Variants in LRRK1 observed in about 807,000 individuals in gnomAD.
LRRK1 encodes the protein leucine rich repeat kinase 1, also known as leucine-rich repeat serine/threonine-protein kinase 1.
A neutral mutation model predicts 209.1 loss-of-function variants in LRRK1; 113 were observed. The ratio of observed to expected loss-of-function variants is 0.54; its 90% CI spans 0.46 to 0.63. The LOEUF is 0.63. LRRK1 is among the 30% of genes least tolerant of loss of function. The pLI is 0.00. For synonymous variants in LRRK1, 1,144 were observed against 1,099.7 expected (o/e 1.04, Z -0.80); for missense variants, 2,284 against 2,632.2 (o/e 0.87, Z 2.89).
chr15:101,010,749 T>C lies in LRRK1; in HGVS notation c.1193T>C (p.Leu398Pro). The change falls in exon 9 of 34, where the codon CTG (leucine) becomes CCG (proline). Residue 398 changes from leucine (L) to proline (P), a missense_variant. Coordinates refer to ENST00000388948, the MANE Select transcript of LRRK1 (RefSeq NM_024652.6). ...AATAAATTGACAGAACTCCCTGCCC[T>C]GTTCCTTCACTCTTTCAAGTCCCTC... The part of the protein sequence containing the change: ...SDNKLTELPA[L>P]FLHSFKSLNS... The C allele has an allele frequency of 1.2e-6, 2 of 1,613,940 alleles. No homozygotes were observed.
chr15:100,971,121 G>C (rs1043474558), intron 2 of LRRK1, among the ~76,000 whole-genome samples: 1 of 152,024 alleles, frequency 6.6e-6, no homozygotes, highest in Middle Eastern at 3.2e-3. Flanking sequence ...ATCACTTGAG[G>C]TCGAGAGTTT....
chr15:100,938,651 T>A (rs972033460), intron 2 of LRRK1, among the ~76,000 whole-genome samples: 3 of 151,998 alleles, frequency 2.0e-5, no homozygotes, highest in Admixed American at 2.0e-4. Context: ...AATTCCATAC[T>A]TATAGCTTAA....
chr15:101,024,011 T>C lies in LRRK1; in HGVS notation c.2068-792T>C, dbSNP rs2033909731. Among the ~76,000 whole-genome samples, 1 of 152,190 alleles carries C rather than the reference T, an allele frequency of 6.6e-6. No individual in the cohort carries two copies. Among genetic ancestry groups the C allele is most frequent in the Non-Finnish European group, 1.5e-5 (1 of 68,014 alleles). On this transcript the variant is annotated intron_variant, in intron 15 of 33. Transcript: ENST00000388948. The surrounding 1 kb of genome is among the most constrained non-coding windows in gnomAD (Gnocchi z 4.6). ...TCTAGCTGAGGCCTGAGGGGTGAATTCGTGCTTCTATTTTTCCTGACCTTC... is the reference window on the plus strand; with the variant it reads ...TCTAGCTGAGGCCTGAGGGGTGAATCCGTGCTTCTATTTTTCCTGACCTTC...
chr15:100,962,109 G>T (rs2030017245), intron 2 of LRRK1, among the ~76,000 whole-genome samples: 1 of 152,110 alleles, frequency 6.6e-6, no homozygotes, highest in Non-Finnish European at 1.5e-5. Flanking sequence ...GGTTCACTAA[G>T]CCAGGGTGAA....
rs2033950214 is a variant in LRRK1, at chr15:101,024,877, C to A, written c.2142C>A (p.Phe714Leu). The change falls in exon 16 of 34, where the codon TTC (phenylalanine) becomes TTA (leucine). Residue 714 changes from phenylalanine (F) to leucine (L), a missense_variant. Physicochemically the swap from Phe to Leu is conservative, Grantham distance 22 (BLOSUM62 0). Coordinates refer to ENST00000388948, the MANE Select transcript of LRRK1 (RefSeq NM_024652.6). The surrounding 1 kb of genome is among the most constrained non-coding windows in gnomAD (Gnocchi z 4.6). The part of the protein sequence containing the change: ...ASMATVNQCF[F>L]TDKALYVVVW... ...TGGCCACTGTCAACCAGTGCTTCTT[C>A]ACGGACAAGGCCCTGTACGTGGTGG... 6.2e-7 allele frequency: 1 copy of A among 1,614,098 alleles called. No homozygotes were observed. The highest frequency in any genetic ancestry group is 8.5e-7 in the Non-Finnish European group (1 of 1,180,042).
intron 31 of LRRK1, among the ~76,000 whole-genome samples, chr15:101,063,225 A>G (rs958351916): frequency 3.3e-5 from 5 of 152,084 alleles, no homozygotes; most frequent in South Asian, 2.1e-4. Context: ...TGAGACCCCA[A>G]GGGGCACTCT....
At chr15:101,052,394 T>C (rs972489539) in intron 24 of LRRK1, among the ~76,000 whole-genome samples, 1 of 104,398 alleles carries the variant, frequency 9.6e-6, no homozygotes, top group Non-Finnish European at 2.0e-5. Context: ...GTTTACCTTC[T>C]TTGTCAAACG....
chr15:101,064,104 G>A (rs564502426), intron 31 of LRRK1, among the ~76,000 whole-genome samples: 82 of 152,390 alleles, frequency 5.4e-4, no homozygotes, highest in African/African-American at 1.8e-3. Context: ...ACACCCAGCC[G>A]GGACGTGGCA....
chr15:101,000,640 C>T (rs1246736322), intron 6 of LRRK1, among the ~76,000 whole-genome samples: 2 of 152,188 alleles, frequency 1.3e-5, no homozygotes, highest in South Asian at 2.1e-4. Context: ...CAACACTTCT[C>T]GGCTTGTGGC....
chr15:101,068,983 A>G lies in LRRK1; in HGVS notation c.*135A>G. ...CTCCCCTGAACTCCTTGCTGCTAAG[A>G]AGTGCTGAGAAGTTACTCGCCTGGC... On this transcript the variant is annotated 3_prime_UTR_variant, in exon 34 of 34. Transcript: ENST00000388948. 1 of 829,532 alleles carries G rather than the reference A, an allele frequency of 1.2e-6. No individual in the cohort carries two copies. The allele number at this position is 829,532 out of a possible 1,614,324, so 51.4% of individuals were successfully genotyped here. A position where few individuals can be genotyped will look rare whatever the true frequency, so the allele number is the denominator to read the frequency against.
At chr15:101,064,096 A>C (rs1214412052) in intron 31 of LRRK1, among the ~76,000 whole-genome samples, 1 of 152,216 alleles carries the variant, frequency 6.6e-6, no homozygotes, top group Non-Finnish European at 1.5e-5. Flanking sequence ...CCACGTTCAC[A>C]CCCAGCCGGG....
rs376736555 is a variant in LRRK1 at position 101,065,597 on chromosome 15, C to T, written c.5160C>T (p.Ser1720=). Residue 1720 remains serine, a synonymous_variant, in exon 32 of 34, where the codon TCC becomes TCT. Transcript: ENST00000388948. ...GCCTCCTTGTCATCGACTGTGCCTC[C>T]CTGGAGATCTGCAGGCGGCTGGAGC... ...GPGLLVIDCA[S]LEICRRLEPY... The T allele has an allele frequency of 1.9e-5, 30 of 1,614,110 alleles. No homozygotes were observed. Among genetic ancestry groups the T allele is most frequent in the Non-Finnish European group, 1.2e-5 (14 of 1,180,048 alleles).
chr15:101,058,617 C>CTGGG, intron 29 of LRRK1, among the ~76,000 whole-genome samples: 1 of 75,340 alleles, frequency 1.3e-5, no homozygotes, highest in Admixed American at 1.6e-4. Context: ...GAAGGGGCAA[C>CTGGG]GGGGGGGGGC....
chr15:101,035,745 C>T (rs1671749222), intron 20 of LRRK1, among the ~76,000 whole-genome samples: 1 of 152,052 alleles, frequency 6.6e-6, no homozygotes, highest in Non-Finnish European at 1.5e-5. Flanking sequence ...TTCTCTCTTA[C>T]TGCTTATCAT....
chr15:100,952,215 T>C (rs2042669590), intron 2 of LRRK1, among the ~76,000 whole-genome samples: 1 of 152,156 alleles, frequency 6.6e-6, no homozygotes, highest in South Asian at 2.1e-4. Context: ...TGCAGGGTGG[T>C]ACAAATGTTT....
Position 100,936,531 on chromosome 15 carries a change from G to A in LRRK1, c.97+11802G>A, listed in dbSNP as rs181244934. Among the ~76,000 whole-genome samples, 18 of 152,360 alleles carry A rather than the reference G, an allele frequency of 1.2e-4. No homozygotes were observed. In the Middle Eastern group the frequency reaches 0.01, roughly 86 times the overall value. On this transcript the variant is annotated intron_variant, in intron 2 of 33. Transcript: ENST00000388948. ...AAGATGGCATGGCATGTGGCCCCCAGCCTCTCCTTTAACAAGAAGCTATGC... is the reference window on the plus strand; with the variant it reads ...AAGATGGCATGGCATGTGGCCCCCAACCTCTCCTTTAACAAGAAGCTATGC...
At position 101,010,479 on chromosome 15, in the gene LRRK1, A is replaced by T; in HGVS notation, c.1019A>T (p.Lys340Met). The T allele has an allele frequency of 6.2e-7, 1 of 1,611,744 alleles. No homozygotes were observed. The highest frequency in any genetic ancestry group is 1.1e-5 in the South Asian group (1 of 89,734). ...RLLEIDISSN[K>M]LSHLPPGFLH... is the part of the protein sequence containing the mutation. ...CTTGAAATTGACATTTCCAGCAACA[A>T]GTTGTCCCACCTCCCTCCTGGATTC... The change falls in exon 8 of 34, where the codon AAG (lysine) becomes ATG (methionine). Residue 340 changes from lysine to methionine, a missense_variant. By Grantham distance (95) the Lys-to-Met change is moderately conservative. Transcript: ENST00000388948.
At chr15:100,971,839 C>T (rs959095757) in intron 2 of LRRK1, among the ~76,000 whole-genome samples, 4 of 152,178 alleles carry the variant, frequency 2.6e-5, no homozygotes, top group African/African-American at 7.2e-5. Flanking sequence ...GTCTTTGCCT[C>T]CATGGGATCA....
At chr15:101,015,427 T>C (rs1177230118) in intron 12 of LRRK1, 25 bp downstream of exon 12, 8 of 1,583,630 alleles carry the variant, frequency 5.1e-6, no homozygotes, top group Non-Finnish European at 6.9e-6. Context: ...GGAGACGGTG[T>C]TCCCAGATGA....
Sources: allele counts gnomAD v4.1 joint callset (sites outside exome capture counted in the v4.1 genomes callset), GRCh38; gene constraint gnomAD v4.1.1; non-coding constraint Gnocchi (gnomAD v3.1); transcripts MANE v1.5; gene names NCBI Gene and HGNC (gene_info 2026-07-23, HGNC 2026-07-21).